Variants in RNF213 observed in about 807,000 individuals in gnomAD.
The protein encoded by RNF213 is ring finger protein 213, also known as E3 ubiquitin-protein ligase RNF213.
RNF213 carries 341 observed loss-of-function variants against 514.4 expected under a neutral mutation model. The ratio of observed to expected loss-of-function variants is 0.66; its 90% CI spans 0.61 to 0.73. The LOEUF (loss-of-function observed/expected upper bound fraction) is 0.73. Ranked by LOEUF, RNF213 falls within the 30% of genes least tolerant of loss-of-function variation. RNF213 has a pLI of 0.00. For missense variants in RNF213, 5,767 were observed against 6,615.6 expected (o/e 0.87, Z 4.45); for synonymous variants, 2,655 against 2,658.2 (o/e 1.00, Z 0.04).
chr17:80,355,435 TGGGAATCGGGGCTCAC>T (rs2078724417), intron 36 of RNF213: 1 of 67,214 alleles, frequency 1.5e-5, no homozygotes, highest in African/African-American at 7.8e-5. Context: ...GCGGGGTGGA[TGGGAATCGGGGCTCAC>T]GGAGGAAGAG....
chr17:80,348,757 G>T (rs2078400756), intron 29 of RNF213, among the ~76,000 whole-genome samples: 1 of 152,244 alleles, frequency 6.6e-6, no homozygotes, highest in Non-Finnish European at 1.5e-5. Flanking sequence ...CGATGGGGAA[G>T]AATGGCCGGG....
chr17:80,361,932 A>C, intron 39 of RNF213, 44 bp downstream of exon 39: 1 of 1,592,944 alleles, frequency 6.3e-7, no homozygotes. Context: ...TAGAGCTTGC[A>C]TGATGGGGAC....
chr17:80,342,065 T>C (rs543645170), intron 26 of RNF213: 1 of 152,400 alleles, frequency 6.6e-6, no homozygotes, highest in African/African-American at 2.4e-5. Flanking sequence ...CCCAAAGTGC[T>C]GGGATTACAG....
At chr17:80,279,903 GA>G (rs1247789369) in intron 3 of RNF213, among the ~76,000 whole-genome samples, 1 of 152,244 alleles carries the variant, frequency 6.6e-6, no homozygotes, top group Admixed American at 6.5e-5. Flanking sequence ...ATACCTTGAA[GA>G]GTGATGCTTG....
intron 3 of RNF213, among the ~76,000 whole-genome samples, chr17:80,280,457 G>T (rs534261458): frequency 1.1e-3 from 160 of 152,242 alleles, no homozygotes; most frequent in African/African-American, 3.8e-3. Context: ...GGTGGGTTTT[G>T]TTTTTGTTTG....
At position 80,343,714 on chromosome 17, in the gene RNF213, A is replaced by C. The variant is rs2078227456; in HGVS notation, c.6184-143A>C. On this transcript the variant is annotated intron_variant, in intron 27 of 67. Transcript: ENST00000582970. The surrounding 1 kb of genome is among the most constrained non-coding windows in gnomAD (Gnocchi z 4.3). ...TAGGATTTTATGGGGCTGCCCTTGG[A>C]GACATGGGCCGTTGTTGGCTGAAAT... 1.2e-6 allele frequency: 1 copy of C among 864,058 alleles called. No homozygotes were observed. The allele number at this position is 864,058 out of a possible 1,614,324, so 53.5% of individuals were successfully genotyped here.
chr17:80,397,155 G>A lies in RNF213; in HGVS notation c.*3657G>A, dbSNP rs1383537068. 1 of 152,234 alleles carries A rather than the reference G, an allele frequency of 6.6e-6. No individual in the cohort carries two copies. The highest frequency in any genetic ancestry group is 1.5e-5 in the Non-Finnish European group (1 of 68,130). The allele number at this position is 152,234 out of a possible 1,614,324, so 9.4% of individuals were successfully genotyped here. A position where few individuals can be genotyped will look rare whatever the true frequency, so the allele number is the denominator to read the frequency against. On this transcript the variant is annotated 3_prime_UTR_variant, in exon 68 of 68. Transcript: ENST00000582970. The stretch of plus-strand genomic sequence containing the variant: ...GTGACTCCTAATTACCAAATCCAAG[G>A]GCTCCTTCACCCTGACCACTCTGGA...
chr17:80,261,214 C>T (rs1452415853), intron 1 of RNF213, among the ~76,000 whole-genome samples: 3 of 152,152 alleles, frequency 2.0e-5, no homozygotes, highest in Non-Finnish European at 2.9e-5. Flanking sequence ...CAGTGCTGCC[C>T]CCGGGAAGTG....
chr17:80,333,913 T>G lies in RNF213; in HGVS notation c.4144-192T>G, dbSNP rs2077909132. ...TCCCAGGAATCACAGTTCATCTTGA[T>G]CAGGGAGAAACAGCCATGGGGGTTT... On this transcript the variant is annotated intron_variant, in intron 21 of 67. Coordinates refer to ENST00000582970, the MANE Select transcript of RNF213 (RefSeq NM_001256071.3). The G allele has an allele frequency of 1.2e-5, 7 of 601,066 alleles. No individual in the cohort carries two copies. The East Asian group carries it at 2.0e-4, about 17-fold the overall frequency. 37.2% of individuals were successfully genotyped at this position (601,066 alleles called of 1,614,324 possible).
intron 35 of RNF213, 41 bp from the exon 36 acceptor site, chr17:80,354,400 A>G (rs762307340): frequency 9.3e-6 from 15 of 1,613,916 alleles, no homozygotes; most frequent in Non-Finnish European, 1.3e-5. Flanking sequence ...CCAACAGCTC[A>G]GCCACGGCCA....
At position 80,273,374 on chromosome 17, in the gene RNF213, CT is replaced by C; in HGVS notation, c.232del (p.Cys78ValfsTer43). 1 of 1,613,168 alleles carries C rather than the reference CT, an allele frequency of 6.2e-7. No individual in the cohort carries two copies. Among genetic ancestry groups the C allele is most frequent in the African/African-American group, 1.3e-5 (1 of 75,008 alleles). Reference sequence around the variant, plus strand: ...GTTGGCAAGAAAACCCCGAGGAGCCCTGTTCCAAAGCCTCCTGGACCGTCCA... The same window carrying C: ...GTTGGCAAGAAAACCCCGAGGAGCCCGTTCCAAAGCCTCCTGGACCGTCCA... Reference protein sequence around the residue: ...DSWQENPEEPCSKASWTVQES... With the variant: ...DSWQENPEEPXSKASWTVQES... On this transcript the variant is annotated frameshift_variant, in exon 3 of 68. Transcript: ENST00000582970. LOFTEE classifies it high-confidence loss of function.
intron 12 of RNF213, among the ~76,000 whole-genome samples, chr17:80,306,669 GT>G (rs1412217621): frequency 6.6e-5 from 10 of 152,078 alleles, no homozygotes; most frequent in Non-Finnish European, 1.5e-4. Flanking sequence ...GGCTAACACA[GT>G]GAAACCCCGT....
chr17:80,385,836 C>T (rs1358983245), intron 61 of RNF213, among the ~76,000 whole-genome samples: 2 of 152,188 alleles, frequency 1.3e-5, no homozygotes, highest in Non-Finnish European at 1.5e-5. Context: ...ATTCTCCTGC[C>T]TCAGCCCCTA....
chr17:80,329,274 T>C (rs1421878206), intron 20 of RNF213, among the ~76,000 whole-genome samples: 1 of 152,224 alleles, frequency 6.6e-6, no homozygotes, highest in African/African-American at 2.4e-5. Context: ...CCTCGAATCC[T>C]TGTGTGTCTA....
chr17:80,263,216 G>C lies in RNF213; in HGVS notation c.-108-358G>C, dbSNP rs552753697. Among the ~76,000 whole-genome samples the C allele has an allele frequency of 1.3e-5, 2 of 152,296 alleles. No homozygotes were observed. The highest frequency in any genetic ancestry group is 6.5e-5 in the Admixed American group (1 of 15,298). ...ACTGCCAGCCCAGTAGCCCTGGGCT[G>C]CCTGCTCAGGCCCCATCACCTGTGG... On this transcript the variant is annotated intron_variant, in intron 1 of 67. Coordinates refer to ENST00000582970, the MANE Select transcript of RNF213 (RefSeq NM_001256071.3). The surrounding 1 kb of genome is among the most constrained non-coding windows in gnomAD (Gnocchi z 4.9).
chr17:80,323,826 C>CT (rs934577031), intron 17 of RNF213, among the ~76,000 whole-genome samples: 20 of 85,898 alleles, frequency 2.3e-4, no homozygotes, highest in African/African-American at 5.6e-4. Context: ...TTTCTAAGTA[C>CT]TTTTTTTTGG....
chr17:80,334,506 C>T (rs1156899370), intron 22 of RNF213: 2 of 399,614 alleles, frequency 5.0e-6, no homozygotes, highest in East Asian at 3.8e-5. Flanking sequence ...CCCGCCACTT[C>T]GGAAGCTGTA....
rs150427088 is a variant in RNF213, at chr17:80,360,148, A to G, written c.11142A>G (p.Lys3714=). The change falls in exon 38 of 68, where the codon AAA becomes AAG. Residue 3714 remains lysine (K), a synonymous_variant. Transcript: ENST00000582970. ...NASNNVPFSW[K]IKDYLEELWV... is the part of the protein sequence containing the mutation. ...CCAACAACGTCCCTTTCAGCTGGAA[A>G]ATCAAGGACTATCTGGAGGAGCTGT... 6.2e-7 allele frequency: 1 copy of G among 1,614,006 alleles called. No individual in the cohort carries two copies. The highest frequency in any genetic ancestry group is 8.5e-7 in the Non-Finnish European group (1 of 1,180,022).
intron 3 of RNF213, among the ~76,000 whole-genome samples, chr17:80,278,246 T>A (rs1469043459): frequency 6.6e-6 from 1 of 151,918 alleles, no homozygotes; most frequent in African/African-American, 2.4e-5. Context: ...CGATGCCCGG[T>A]GTGGTGTGGA....
Sources: gnomAD v4.1 joint callset for allele counts (sites outside exome capture counted in the v4.1 genomes callset) on GRCh38, gnomAD v4.1.1 for gene constraint, Gnocchi (gnomAD v3.1) non-coding constraint, MANE v1.5 for transcripts, NCBI Gene and HGNC (gene_info 2026-07-23, HGNC 2026-07-21) for gene names.